The following DLC1 variants were observed in gnomAD, a reference collection of about 807,000 sequenced individuals.
The protein encoded by DLC1 is rho GTPase-activating protein 7.
Under a neutral mutation model 140.3 loss-of-function variants are expected in DLC1, and 54 were observed. The ratio of observed to expected loss-of-function variants is 0.38; its 90% CI spans 0.31 to 0.48. The LOEUF (loss-of-function observed/expected upper bound fraction) is 0.48. DLC1 is among the 20% of genes least tolerant of loss of function. DLC1 has a pLI of 0.96. For missense variants in DLC1, 2,536 were observed against 1,907.0 expected, an observed-to-expected ratio of 1.33 and a Z score of -6.14; for synonymous variants, 986 against 728.1, an observed-to-expected ratio of 1.35 and a Z score of -5.70.
chr8:13,418,371 C>G (rs1330528972), intron 2 of DLC1, among the ~76,000 whole-genome samples: 1 of 152,068 alleles, frequency 6.6e-6, no homozygotes, highest in Non-Finnish European at 1.5e-5. Flanking sequence ...GTCTTTAATC[C>G]ATCTTGAATT....
intron 5 of DLC1, among the ~76,000 whole-genome samples, chr8:13,219,117 T>C (rs1249608228): frequency 8.9e-5 from 11 of 123,164 alleles, no homozygotes; most frequent in Non-Finnish European, 1.4e-4. Flanking sequence ...TATATGTGAA[T>C]ATAATTATAT....
intron 5 of DLC1, among the ~76,000 whole-genome samples, chr8:13,293,634 G>A (rs113525569): frequency 1.3e-5 from 2 of 152,170 alleles, no homozygotes; most frequent in Non-Finnish European, 2.9e-5. Context: ...CTTTCAAGGA[G>A]CTCTTAGCCT....
chr8:13,363,555 A>G (rs575587140), intron 4 of DLC1, among the ~76,000 whole-genome samples: 4 of 152,142 alleles, frequency 2.6e-5, no homozygotes, highest in Admixed American at 2.0e-4. Context: ...CACAGAAGGC[A>G]TGAGAGAGGT....
chr8:13,218,979 T>TACG (rs1356489156), intron 5 of DLC1, among the ~76,000 whole-genome samples: 1 of 65,188 alleles, frequency 1.5e-5, no homozygotes, highest in Non-Finnish European at 2.8e-5. Context: ...TATACGTATA[T>TACG]AACTATATAA....
intron 1 of DLC1, among the ~76,000 whole-genome samples, chr8:13,541,907 A>G (rs757496257): frequency 6.6e-6 from 1 of 151,894 alleles, no homozygotes; most frequent in Non-Finnish European, 1.5e-5. Flanking sequence ...ATTTTACCCA[A>G]TTTTCTACTT....
intron 5 of DLC1, among the ~76,000 whole-genome samples, chr8:13,137,351 T>G (rs1215767497): frequency 6.6e-6 from 1 of 152,202 alleles, no homozygotes; most frequent in Non-Finnish European, 1.5e-5. Flanking sequence ...GATTTTGGTT[T>G]GAGATGCTAA....
intron 1 of DLC1, among the ~76,000 whole-genome samples, chr8:13,529,268 G>A (rs1803019746): frequency 6.6e-6 from 1 of 152,170 alleles, no homozygotes; most frequent in Admixed American, 6.6e-5. Flanking sequence ...GTAAGACAGT[G>A]TAATTAGGGA....
At chr8:13,423,241 A>G (rs1453915847) in intron 2 of DLC1, among the ~76,000 whole-genome samples, 1 of 152,176 alleles carries the variant, frequency 6.6e-6, no homozygotes, top group Non-Finnish European at 1.5e-5. Context: ...GAAGGAAATA[A>G]ATGCATTTTT....
intron 2 of DLC1, among the ~76,000 whole-genome samples, chr8:13,427,280 A>C (rs1462164156): frequency 6.6e-6 from 1 of 152,004 alleles, no homozygotes; most frequent in Admixed American, 6.6e-5. Context: ...TCTCTGTCCA[A>C]CTCGGCTCAT....
chr8:13,100,815 C>T (rs750670143), intron 8 of DLC1, 45 bp from the exon 9 acceptor site: 1 of 1,516,758 alleles, frequency 6.6e-7, no homozygotes, highest in Non-Finnish European at 8.8e-7. Context: ...GGCTGGCAGC[C>T]AGCAGGGAGC....
chr8:13,436,554 T>A (rs978700855), intron 2 of DLC1, among the ~76,000 whole-genome samples: 7 of 152,242 alleles, frequency 4.6e-5, no homozygotes, highest in African/African-American at 1.7e-4. Context: ...CAATTGGGCT[T>A]TACCAATTTA....
chr8:13,114,486 T>C (rs537366933), intron 6 of DLC1, among the ~76,000 whole-genome samples: 1 of 152,156 alleles, frequency 6.6e-6, no homozygotes, highest in East Asian at 1.9e-4. Context: ...AGGGCACTGA[T>C]AAGAAAATGA....
At chr8:13,283,570 T>C (rs1831441240) in intron 5 of DLC1, among the ~76,000 whole-genome samples, 1 of 152,150 alleles carries the variant, frequency 6.6e-6, no homozygotes. Flanking sequence ...GGCAGGAGTG[T>C]AGTGGTGCGA....
chr8:13,271,630 C>A (rs1049560025), intron 5 of DLC1, among the ~76,000 whole-genome samples: 4 of 152,174 alleles, frequency 2.6e-5, no homozygotes, highest in Non-Finnish European at 2.9e-5. Context: ...AATTTTCTTG[C>A]CCTCTTCATA....
At chr8:13,257,439 GAAAAA>G (rs34452124) in intron 5 of DLC1, among the ~76,000 whole-genome samples, 7 of 104,464 alleles carry the variant, frequency 6.7e-5, no homozygotes, top group African/African-American at 1.8e-4. Context: ...CCTGTCTCAG[GAAAAA>G]AAAAAAAAAA....
At position 13,499,599 on chromosome 8, in the gene DLC1, T is replaced by G; in HGVS notation, c.473A>C (p.Gln158Pro). 2 of 1,614,148 alleles carry G rather than the reference T, an allele frequency of 1.2e-6. No individual in the cohort carries two copies. Residue 158 changes from glutamine (Q) to proline (P), a missense_variant, in exon 2 of 18, where the codon CAA (glutamine) becomes CCA (proline). By Grantham distance (76) the Gln-to-Pro change is moderately conservative (BLOSUM62 -1). Transcript: ENST00000276297. ...EKALPIIQSN[Q>P]VSSNSWGIAG... ...TATTCCCCAGGAGTTAGAAGAAACT[T>G]GGTTACTTTGTATGATGGGCAGTGC...
intron 1 of DLC1, chr8:13,559,090 CA>C (rs1478696344): frequency 6.6e-6 from 1 of 152,232 alleles, no homozygotes; most frequent in Non-Finnish European, 1.5e-5. Flanking sequence ...CTAGCCAGAA[CA>C]AAAGCTCACA....
chr8:13,343,023 C>T (rs557168871), intron 4 of DLC1, among the ~76,000 whole-genome samples: 1 of 152,188 alleles, frequency 6.6e-6, no homozygotes, highest in South Asian at 2.1e-4. Flanking sequence ...ATTTAATTTT[C>T]CCGTTAACGT....
chr8:13,180,205 G>A (rs1372375189), intron 5 of DLC1, among the ~76,000 whole-genome samples: 1 of 152,132 alleles, frequency 6.6e-6, no homozygotes, highest in African/African-American at 2.4e-5. Context: ...CTTGTTCCCT[G>A]CCTGGCCCTT....
Sources: allele counts gnomAD v4.1 joint callset (sites outside exome capture counted in the v4.1 genomes callset), GRCh38; gene constraint gnomAD v4.1.1; transcripts MANE v1.5; gene names NCBI Gene and HGNC (gene_info 2026-07-23, HGNC 2026-07-21).